PITPNB: variants seen among roughly 807,000 people sequenced by gnomAD.
PITPNB encodes phosphatidylinositol transfer protein beta, also known as phosphatidylinositol transfer protein beta isoform.
In PITPNB, 16 loss-of-function variants were observed where a neutral mutation model predicts 45.9. The ratio of observed to expected loss-of-function variants is 0.35; its 90% CI spans 0.24 to 0.53. PITPNB has a LOEUF of 0.53. Ranked by LOEUF, PITPNB falls within the 20% of genes least tolerant of loss-of-function variation. The pLI is 0.93. For missense variants in PITPNB, 188 were observed against 330.5 expected, an observed-to-expected ratio of 0.57 and a Z score of 3.34; for synonymous variants, 112 against 108.9, an observed-to-expected ratio of 1.03 and a Z score of -0.18.
intron 7 of PITPNB, among the ~76,000 whole-genome samples, chr22:27,887,308 C>T (rs1371353730): frequency 2.0e-5 from 3 of 152,182 alleles, no homozygotes; most frequent in Non-Finnish European, 4.4e-5. Context: ...CAGGTTCTAG[C>T]TACAGCCTCC....
chr22:27,899,566 G>A lies in PITPNB; in HGVS notation c.198-1674C>T, dbSNP rs1197407289. Among the ~76,000 whole-genome samples, 7 of 152,020 alleles carry A rather than the reference G, an allele frequency of 4.6e-5. No homozygotes were observed. In the East Asian group the frequency reaches 7.8e-4, roughly 17 times the overall value. On this transcript the variant is annotated intron_variant, in intron 3 of 11. Transcript: ENST00000335272. ...TCTTCATCTCCTGACCTCGTGATCC[G>A]CCCGCCTTGGCCTCCCAAAGTGCTG...
chr22:27,857,640 C>T (rs886280933), intron 10 of PITPNB, among the ~76,000 whole-genome samples: 1 of 152,214 alleles, frequency 6.6e-6, no homozygotes, highest in Non-Finnish European at 1.5e-5. Context: ...CTGGACATTC[C>T]TTGGGTTTGT....
chr22:27,908,549 T>C (rs1208817097), intron 3 of PITPNB, among the ~76,000 whole-genome samples: 1 of 152,096 alleles, frequency 6.6e-6, no homozygotes, highest in Non-Finnish European at 1.5e-5. Flanking sequence ...AAAAATTTTA[T>C]ACATCAAACT....
chr22:27,903,794 A>AC, intron 3 of PITPNB, among the ~76,000 whole-genome samples: 1 of 151,876 alleles, frequency 6.6e-6, no homozygotes, highest in Middle Eastern at 3.4e-3. Flanking sequence ...AAAAAAAAAA[A>AC]AAACTAAAAA....
intron 1 of PITPNB, 115 bp downstream of exon 1, chr22:27,919,057 G>C (rs1936190950): frequency 6.5e-7 from 1 of 1,536,166 alleles, no homozygotes; most frequent in African/African-American, 1.4e-5. Flanking sequence ...GGCGCCCGCA[G>C]GGAGGGGCTG....
At chr22:27,918,990 TG>T in intron 1 of PITPNB, 181 bp downstream of exon 1, 1 of 793,048 alleles carries the variant, frequency 1.3e-6, no homozygotes, top group South Asian at 1.4e-5. Context: ...CGGCAATGCC[TG>T]GAGGGCCGAG....
At chr22:27,874,358 G>T (rs189686650) in intron 7 of PITPNB, among the ~76,000 whole-genome samples, 31 of 150,180 alleles carry the variant, frequency 2.1e-4, no homozygotes, top group African/African-American at 7.6e-4. Context: ...ACCCTTGTTC[G>T]AGAGCCCTGG....
At position 27,863,075 on chromosome 22, in the gene PITPNB, C is replaced by G. The variant is rs774053890; in HGVS notation, c.535-2834G>C. ...AGCCAATGCTGAAGTACTTCCTAAT[C>G]CAATGAATGTCACTGAAAATCCTCA... On this transcript the variant is annotated intron_variant, in intron 8 of 11. Coordinates refer to ENST00000335272, the MANE Select transcript of PITPNB (RefSeq NM_012399.5). Among the ~76,000 whole-genome samples, 101 of 152,182 alleles carry G rather than the reference C, an allele frequency of 6.6e-4. 1 individual carries two copies. Among genetic ancestry groups the G allele is most frequent in the Non-Finnish European group, 1.8e-4 (12 of 68,036 alleles).
chr22:27,857,287 C>A (rs1233108134), intron 10 of PITPNB, among the ~76,000 whole-genome samples: 1 of 152,076 alleles, frequency 6.6e-6, no homozygotes, highest in African/African-American at 2.4e-5. Context: ...TTGGAGTCTG[C>A]CTATAGTTTA....
Position 27,897,146 on chromosome 22 carries a change from T to C in PITPNB, c.290-9A>G, listed in dbSNP as rs1298761301. 1.9e-6 allele frequency: 3 copies of C among 1,567,524 alleles called. No homozygotes were observed. In the Admixed American group the frequency reaches 5.0e-5, roughly 26 times the overall value. ...TTTACTCACCGTTACAACTGAGGCATAATGGAGAGGTAGGTAATGAAAGGA... is the reference window on the plus strand; with the variant it reads ...TTTACTCACCGTTACAACTGAGGCACAATGGAGAGGTAGGTAATGAAAGGA... On this transcript the variant is annotated splice_polypyrimidine_tract_variant and intron_variant, in intron 4 of 11. Coordinates refer to ENST00000335272, the MANE Select transcript of PITPNB (RefSeq NM_012399.5).
At chr22:27,902,659 C>T (rs1165292925) in intron 3 of PITPNB, among the ~76,000 whole-genome samples, 3 of 152,026 alleles carry the variant, frequency 2.0e-5, no homozygotes, top group African/African-American at 2.4e-5. Flanking sequence ...TTGATGACAC[C>T]AAAAGCATAA....
chr22:27,863,994 C>A (rs1437540534), intron 8 of PITPNB, among the ~76,000 whole-genome samples: 1 of 152,014 alleles, frequency 6.6e-6, no homozygotes, highest in Non-Finnish European at 1.5e-5. Flanking sequence ...ATATTCAGTC[C>A]CAATCTGATT....
chr22:27,904,807 T>C (rs1247401360), intron 3 of PITPNB, among the ~76,000 whole-genome samples: 1 of 152,086 alleles, frequency 6.6e-6, no homozygotes, highest in African/African-American at 2.4e-5. Context: ...ACAACCCCAG[T>C]TTGTGGGAAG....
Position 27,919,215 on chromosome 22 carries a change from G to GCCGCCGATACCA in PITPNB, c.-36_-25dup. 1 of 1,601,992 alleles carries GCCGCCGATACCA rather than the reference G, an allele frequency of 6.2e-7. No individual in the cohort carries two copies. The highest frequency in any genetic ancestry group is 8.5e-7 in the Non-Finnish European group (1 of 1,170,832). ...ATCTTCCCGGAACCCCCTCACAGCTGCCGCCGATACCACCGCCGCCGCCGC... is the reference window on the plus strand; with the variant it reads ...ATCTTCCCGGAACCCCCTCACAGCTGCCGCCGATACCACCGCCGATACCACCGCCGCCGCCGC... On this transcript the variant is annotated 5_prime_UTR_variant, in exon 1 of 12. Transcript: ENST00000335272.
chr22:27,896,511 T>C, intron 6 of PITPNB, 41 bp downstream of exon 6: 1 of 1,310,020 alleles, frequency 7.6e-7, no homozygotes, highest in African/African-American at 1.4e-5. Flanking sequence ...AATTCTCGTT[T>C]CCAGGGACTT....
At chr22:27,869,150 T>C (rs1224824503) in intron 8 of PITPNB, among the ~76,000 whole-genome samples, 1 of 151,992 alleles carries the variant, frequency 6.6e-6, no homozygotes, top group Non-Finnish European at 1.5e-5. Flanking sequence ...CCATCAGAAA[T>C]GCACAATTCT....
intron 8 of PITPNB, among the ~76,000 whole-genome samples, chr22:27,861,437 A>G (rs1382925389): frequency 6.6e-6 from 1 of 152,152 alleles, no homozygotes; most frequent in Non-Finnish European, 1.5e-5. Context: ...TAGCATGTTT[A>G]TTTTCAGGAA....
chr22:27,912,984 A>C (rs796386239), intron 2 of PITPNB, among the ~76,000 whole-genome samples: 11 of 114,504 alleles, frequency 9.6e-5, no homozygotes, highest in South Asian at 6.9e-4. Context: ...CTCCATCTCC[A>C]AAAAAAAAAA....
At chr22:27,895,198 T>C (rs548619351) in intron 6 of PITPNB, among the ~76,000 whole-genome samples, 32 of 152,328 alleles carry the variant, frequency 2.1e-4, no homozygotes, top group African/African-American at 7.7e-4. Context: ...GCCAAAGATA[T>C]GCCCATTTAA....
Sources: gnomAD v4.1 joint callset for allele counts (sites outside exome capture counted in the v4.1 genomes callset) on GRCh38, gnomAD v4.1.1 for gene constraint, MANE v1.5 for transcripts, NCBI Gene and HGNC (gene_info 2026-07-23, HGNC 2026-07-21) for gene names.